Variants in GLRA2 observed in about 807,000 individuals in gnomAD.
GLRA2 encodes glycine receptor subunit alpha-2.
Under a neutral mutation model 31.6 loss-of-function variants are expected in GLRA2, and 11 were observed. The ratio of observed to expected loss-of-function variants is 0.35; its 90% CI spans 0.22 to 0.58. GLRA2 has a LOEUF of 0.58. Among genes scored for constraint, GLRA2 ranks in the 20% least tolerant of loss-of-function variants. The probability of loss-of-function intolerance (pLI) is 0.84; values close to 1 mark genes in which losing one functional copy is unlikely to be tolerated. For missense variants in GLRA2, 212 were observed against 351.8 expected, an observed-to-expected ratio of 0.60 and a Z score of 3.18; for synonymous variants, 132 against 134.0, an observed-to-expected ratio of 0.99 and a Z score of 0.10.
the GLRA2 span, among the ~76,000 whole-genome samples, chrX:14,477,857 C>A: frequency 1.8e-5 from 2 of 110,825 alleles, no homozygotes; most frequent in Non-Finnish European, 3.8e-5. Context: ...ATCCTCCTGG[C>A]AACGATTTTC....
At chrX:14,495,440 T>C in the GLRA2 span, among the ~76,000 whole-genome samples, 189 of 109,892 alleles carry the variant, frequency 1.7e-3, 3 homozygotes, top group African/African-American at 6.0e-3. Context: ...TACTCTACCA[T>C]CTAGAAAAGC....
Position 14,574,354 on chromosome X carries a change from G to T in GLRA2, c.224G>T (p.Cys75Phe). Residue 75 changes from cysteine (C) to phenylalanine (F), a missense_variant, in exon 3 of 9, where the codon TGC becomes TTC. Physicochemically the swap from Cys to Phe is radical, Grantham distance 205. Transcript: ENST00000218075. Reference protein sequence around the residue: ...NFKGPPVNVTCNIFINSFGSV... With the variant: ...NFKGPPVNVTFNIFINSFGSV... Reference sequence around the variant, plus strand: ...GCAGGTCCTCCAGTAAACGTTACTTGCAATATTTTTATCAACAGTTTTGGA... The same window carrying T: ...GCAGGTCCTCCAGTAAACGTTACTTTCAATATTTTTATCAACAGTTTTGGA... The T allele has an allele frequency of 8.3e-7, 1 of 1,199,992 alleles. No individual in the cohort carries two copies. The highest frequency in any genetic ancestry group is 1.1e-6 in the Non-Finnish European group (1 of 884,756).
chrX:14,477,730 G>A, the GLRA2 span, among the ~76,000 whole-genome samples: 1 of 111,187 alleles, frequency 9.0e-6, no homozygotes, highest in East Asian at 2.8e-4. Flanking sequence ...TCCATTTAAA[G>A]TAGCTTGTGT....
chrX:14,577,491 T>C (rs764107404), intron 3 of GLRA2, among the ~76,000 whole-genome samples: 1 of 112,519 alleles, frequency 8.9e-6, no homozygotes, highest in Non-Finnish European at 1.9e-5. Flanking sequence ...TAACAAAGGA[T>C]TGATTGGTTG....
Position 14,581,214 on chromosome X carries a change from A to G in GLRA2, c.302A>G (p.Gln101Arg). ...CGAGTGAATATTTTTCTGAGACAACAGTGGAATGATTCACGGCTGGCGTAC... is the reference window on the plus strand; with the variant it reads ...CGAGTGAATATTTTTCTGAGACAACGGTGGAATGATTCACGGCTGGCGTAC... ...DYRVNIFLRQ[Q>R]WNDSRLAYSE... The change falls in exon 4 of 9, where the codon CAG (glutamine) becomes CGG (arginine). Residue 101 changes from glutamine (Q) to arginine (R), a missense_variant. Physicochemically the swap from Gln to Arg is conservative, Grantham distance 43. Around this residue, in one of 5 missense-constraint regions of GLRA2, gnomAD observed 110 missense variants for 232.6 expected, o/e 0.47. Coordinates refer to ENST00000218075, the MANE Select transcript of GLRA2 (RefSeq NM_002063.4). The G allele has an allele frequency of 3.4e-6, 4 of 1,190,690 alleles. No individual in the cohort carries two copies. The highest frequency in any genetic ancestry group is 4.6e-6 in the Non-Finnish European group (4 of 876,372).
the GLRA2 span, among the ~76,000 whole-genome samples, chrX:14,494,504 C>T: frequency 3.6e-5 from 4 of 111,016 alleles, no homozygotes; most frequent in African/African-American, 1.3e-4. Context: ...TTTTTTCTGT[C>T]TTTTTCTGAG....
intron 2 of GLRA2, among the ~76,000 whole-genome samples, chrX:14,564,667 A>G (rs893281968): frequency 4.3e-4 from 48 of 112,492 alleles, no homozygotes; most frequent in Middle Eastern, 4.6e-3. Context: ...GCATTCAATA[A>G]AAAGATATAA....
At chrX:14,580,487 A>G (rs1205827076) in intron 3 of GLRA2, among the ~76,000 whole-genome samples, 1 of 111,861 alleles carries the variant, frequency 8.9e-6, no homozygotes, top group East Asian at 2.8e-4. Context: ...GAAAATTCCC[A>G]GACCAAATGG....
the GLRA2 span, among the ~76,000 whole-genome samples, chrX:14,476,211 T>C: frequency 2.5e-4 from 28 of 112,482 alleles, no homozygotes; most frequent in Admixed American, 2.6e-3. Context: ...AAGGAAATTC[T>C]CAAGTTTCCA....
At chrX:14,621,368 C>CTTT (rs370909021) in intron 7 of GLRA2, among the ~76,000 whole-genome samples, 2 of 106,558 alleles carry the variant, frequency 1.9e-5, no homozygotes, top group African/African-American at 3.4e-5. Context: ...ATTATTTGTT[C>CTTT]TTTTTTTTTT....
intron 8 of GLRA2, among the ~76,000 whole-genome samples, chrX:14,698,338 G>T (rs981537134): frequency 1.8e-5 from 2 of 110,919 alleles, no homozygotes; most frequent in Non-Finnish European, 3.8e-5. Flanking sequence ...AATTTTCACA[G>T]AAATGCATTG....
chrX:14,508,425 C>T, the GLRA2 span, among the ~76,000 whole-genome samples: 3 of 112,290 alleles, frequency 2.7e-5, no homozygotes, highest in East Asian at 8.4e-4. Flanking sequence ...ATGCTGTGGT[C>T]ACTTTATCCA....
the GLRA2 span, among the ~76,000 whole-genome samples, chrX:14,465,786 C>T: frequency 1.8e-5 from 2 of 111,954 alleles, no homozygotes; most frequent in South Asian, 7.4e-4. Flanking sequence ...AATTCTTTAT[C>T]TTGTCTTGAT....
intron 2 of GLRA2, among the ~76,000 whole-genome samples, chrX:14,564,447 G>A (rs2089775835): frequency 9.0e-6 from 1 of 111,604 alleles, no homozygotes; most frequent in East Asian, 2.8e-4. Context: ...TGGCCTACGA[G>A]AAATGATAAA....
At chrX:14,453,970 A>G in the GLRA2 span, among the ~76,000 whole-genome samples, 1 of 111,976 alleles carries the variant, frequency 8.9e-6, no homozygotes, top group African/African-American at 3.2e-5. Context: ...TTCTCTTTGT[A>G]TAACATCTTG....
chrX:14,680,445 A>G (rs1249050267), intron 7 of GLRA2, among the ~76,000 whole-genome samples: 1 of 112,183 alleles, frequency 8.9e-6, no homozygotes, highest in African/African-American at 3.2e-5. Flanking sequence ...TTTTAAAACT[A>G]TCTTGCAAGT....
chrX:14,564,382 GGGA>G (rs936362139), intron 2 of GLRA2, among the ~76,000 whole-genome samples: 2 of 110,753 alleles, frequency 1.8e-5, no homozygotes, highest in African/African-American at 6.5e-5. Context: ...CAACAAATGA[GGGA>G]GAAATTAAGA....
intron 8 of GLRA2, among the ~76,000 whole-genome samples, chrX:14,724,441 A>G (rs913126374): frequency 9.2e-6 from 1 of 108,755 alleles, no homozygotes; most frequent in Admixed American, 1.0e-4. Flanking sequence ...GCCTGGCCAA[A>G]ATGGTAAAAC....
At chrX:14,511,409 T>A in the GLRA2 span, among the ~76,000 whole-genome samples, 2 of 111,814 alleles carry the variant, frequency 1.8e-5, no homozygotes, top group African/African-American at 6.5e-5. Context: ...ATACCTTTCC[T>A]TTGTATCAAT....
Sources: gnomAD v4.1 joint callset for allele counts (sites outside exome capture counted in the v4.1 genomes callset) on GRCh38, gnomAD v4.1.1 for gene constraint, gnomAD v4.1.1 regional missense constraint, MANE v1.5 for transcripts, NCBI Gene and HGNC (gene_info 2026-07-23, HGNC 2026-07-21) for gene names.